Variants in RALGAPA2 observed in about 807,000 individuals in gnomAD.
RALGAPA2 encodes the protein Ral GTPase activating protein catalytic subunit alpha 2, also known as ral GTPase-activating protein subunit alpha-2.
RALGAPA2 carries 139 observed loss-of-function variants against 230.4 expected under a neutral mutation model. The observed-to-expected ratio is 0.60, with a 90% CI of 0.53 to 0.69. The LOEUF is 0.69. RALGAPA2 is among the 30% of genes least tolerant of loss of function. RALGAPA2 has a pLI of 0.00. For synonymous variants in RALGAPA2, 847 were observed against 837.8 expected, an observed-to-expected ratio of 1.01 and a Z score of -0.19; for missense variants, 2,163 against 2,276.0, an observed-to-expected ratio of 0.95 and a Z score of 1.01.
At position 20,591,259 on chromosome 20, in the gene RALGAPA2, G is replaced by A. The variant is rs1164701076; in HGVS notation, c.2259C>T (p.Leu753=). The part of the protein sequence containing the change: ...ENAPAAGSGH[L]TVGQQQQVLR... ...GGACCTGCTGCTGCTGTCCCACTGT[G>A]AGATGGCCAGATCCGGCTGCAGGTG... Residue 753 remains leucine, a synonymous_variant, in exon 17 of 40, where the codon CTC becomes CTT. Transcript: ENST00000202677. 2 of 1,613,922 alleles carry A rather than the reference G, an allele frequency of 1.2e-6. No homozygotes were observed. Among genetic ancestry groups the A allele is most frequent in the South Asian group, 2.2e-5 (2 of 91,086 alleles).
At chr20:20,396,332 G>C (rs1056156104) in intron 39 of RALGAPA2, among the ~76,000 whole-genome samples, 1 of 152,270 alleles carries the variant, frequency 6.6e-6, no homozygotes, top group Non-Finnish European at 1.5e-5. Flanking sequence ...TGTCTTATCG[G>C]CCCATCTCAA....
rs1387351020 is a variant in RALGAPA2 at position 20,629,355 on chromosome 20, ACACT to A, written c.1233+4_1233+7del. ...CACACACACACACACACACACACAC[ACACT>A]AACCTGGTGAAATACTTCATTCACG... is the stretch of plus-strand genomic sequence containing the variant. On this transcript the variant is annotated splice_donor_5th_base_variant and intron_variant, in intron 10 of 39. Transcript: ENST00000202677. The A allele has an allele frequency of 1.3e-6, 2 of 1,519,090 alleles. No individual in the cohort carries two copies. Among genetic ancestry groups the A allele is most frequent in the Admixed American group, 1.9e-5 (1 of 51,616 alleles). The allele number at this position is 1,519,090 out of a possible 1,614,324, so 94.1% of individuals were successfully genotyped here.
In RALGAPA2 at chr20:20,400,867, C is replaced by T. The variant is rs138583383; in HGVS notation, c.5618-4133G>A. Reference sequence around the variant, plus strand: ...TTGGCAATAAAAAGAAATGGAATACCGATATGGGCTACACATGGAGGCACC... The same window carrying T: ...TTGGCAATAAAAAGAAATGGAATACTGATATGGGCTACACATGGAGGCACC... On this transcript the variant is annotated intron_variant, in intron 38 of 39. Transcript: ENST00000202677. Among the ~76,000 whole-genome samples the T allele has an allele frequency of 1.9e-3, 291 of 152,258 alleles. 1 individual carries two copies. The highest frequency in any genetic ancestry group is 6.4e-3 in the African/African-American group (266 of 41,550).
intron 18 of RALGAPA2, among the ~76,000 whole-genome samples, chr20:20,588,506 T>C (rs1335724668): frequency 6.6e-6 from 1 of 152,160 alleles, no homozygotes; most frequent in Non-Finnish European, 1.5e-5. Context: ...TGAGGGGAGA[T>C]AGCAGAGAGA....
chr20:20,620,319 C>A, intron 11 of RALGAPA2, 144 bp downstream of exon 11: 1 of 825,228 alleles, frequency 1.2e-6, no homozygotes, highest in Non-Finnish European at 1.8e-6. Flanking sequence ...TAGATCCTCA[C>A]AGAACTCAGC....
rs375502055 is a variant in RALGAPA2 at position 20,439,514 on chromosome 20, CT to C, written c.5496-27367del. 2.4e-4 allele frequency among the ~76,000 whole-genome samples: 37 copies of C among 152,252 alleles called. 1 individual carries two copies. Among genetic ancestry groups the C allele is most frequent in the Non-Finnish European group, 4.1e-4 (28 of 68,008 alleles). On this transcript the variant is annotated intron_variant, in intron 37 of 39. Transcript: ENST00000202677. ...AGGTGTGAGCGACCACACCCAGCCC[CT>C]GGTCACTTTTTACAGTTAGGTATCA...
At chr20:20,494,314 C>T (rs2062143301) in intron 36 of RALGAPA2, among the ~76,000 whole-genome samples, 1 of 152,206 alleles carries the variant, frequency 6.6e-6, no homozygotes, top group Non-Finnish European at 1.5e-5. Context: ...ATTATACATA[C>T]TATCAAGCTG....
At chr20:20,653,212 AAAAAAAAAAAAAAT>A (rs1320931618) in intron 4 of RALGAPA2, among the ~76,000 whole-genome samples, 2 of 150,054 alleles carry the variant, frequency 1.3e-5, no homozygotes, top group African/African-American at 4.9e-5. Flanking sequence ...AAAAAAAAAA[AAAAAAAAAAAAAAT>A]ACACACTACT....
chr20:20,546,062 G>T (rs2063766711), intron 24 of RALGAPA2, among the ~76,000 whole-genome samples: 1 of 152,064 alleles, frequency 6.6e-6, no homozygotes, highest in Non-Finnish European at 1.5e-5. Flanking sequence ...GAATGAATGG[G>T]ACCCTATCTC....
intron 2 of RALGAPA2, among the ~76,000 whole-genome samples, chr20:20,676,715 A>G (rs1457599588): frequency 1.3e-5 from 2 of 152,326 alleles, no homozygotes; most frequent in African/African-American, 4.8e-5. Flanking sequence ...TCCTATTGAT[A>G]ATAACAACAG....
intron 37 of RALGAPA2, among the ~76,000 whole-genome samples, chr20:20,458,958 A>T (rs922653346): frequency 1.3e-5 from 2 of 151,124 alleles, no homozygotes; most frequent in African/African-American, 2.4e-5. Context: ...TTCCTTCCAA[A>T]TGTCAACAGG....
At chr20:20,674,074 T>C (rs2146777123) in intron 3 of RALGAPA2, among the ~76,000 whole-genome samples, 1 of 152,110 alleles carries the variant, frequency 6.6e-6, no homozygotes, top group African/African-American at 2.4e-5. Context: ...TGCACACGTG[T>C]AGTCCCACCT....
Position 20,653,603 on chromosome 20 carries a change from A to G in RALGAPA2, c.271-16T>C, listed in dbSNP as rs1042748391. Reference sequence around the variant, plus strand: ...GCAGTATTTTCTATTAAAAAAAGATATAAAGAAAATAAACAACAAATGAAA... The same window carrying G: ...GCAGTATTTTCTATTAAAAAAAGATGTAAAGAAAATAAACAACAAATGAAA... On this transcript the variant is annotated splice_polypyrimidine_tract_variant and intron_variant, in intron 3 of 39. Coordinates refer to ENST00000202677, the MANE Select transcript of RALGAPA2 (RefSeq NM_020343.4). 2.6e-5 allele frequency: 35 copies of G among 1,350,232 alleles called. No individual in the cohort carries two copies. Among genetic ancestry groups the G allele is most frequent in the South Asian group, 3.9e-5 (3 of 76,110 alleles). 83.6% of individuals were successfully genotyped at this position (1,350,232 alleles called of 1,614,324 possible).
intron 37 of RALGAPA2, among the ~76,000 whole-genome samples, chr20:20,432,426 T>C (rs2060520829): frequency 6.6e-6 from 1 of 152,152 alleles, no homozygotes; most frequent in Admixed American, 6.5e-5. Flanking sequence ...TTTTCAAAGG[T>C]GAGCGCCGTA....
chr20:20,534,449 A>G (rs2063448553), intron 26 of RALGAPA2, among the ~76,000 whole-genome samples: 1 of 152,062 alleles, frequency 6.6e-6, no homozygotes, highest in Non-Finnish European at 1.5e-5. Flanking sequence ...CATCTCAAAA[A>G]AAAAAAAAGA....
intron 24 of RALGAPA2, among the ~76,000 whole-genome samples, chr20:20,545,875 G>A (rs892219912): frequency 6.6e-6 from 1 of 152,094 alleles, no homozygotes; most frequent in Non-Finnish European, 1.5e-5. Flanking sequence ...GACCAATCTG[G>A]GCAACATGGA....
intron 24 of RALGAPA2, among the ~76,000 whole-genome samples, chr20:20,541,630 T>A (rs2063644641): frequency 6.6e-6 from 1 of 152,232 alleles, no homozygotes; most frequent in Non-Finnish European, 1.5e-5. Flanking sequence ...TTCATCATGC[T>A]ACTCAGAATG....
intron 18 of RALGAPA2, among the ~76,000 whole-genome samples, chr20:20,586,723 G>C (rs1402156063): frequency 3.9e-5 from 6 of 152,074 alleles, no homozygotes; most frequent in African/African-American, 1.4e-4. Context: ...AAATTCAATG[G>C]AAATATTAAC....
intron 37 of RALGAPA2, among the ~76,000 whole-genome samples, chr20:20,467,875 C>T (rs2061454486): frequency 6.6e-6 from 1 of 152,018 alleles, no homozygotes; most frequent in Non-Finnish European, 1.5e-5. Context: ...AATAAAAATC[C>T]CCTTATTAAA....
Sources: gnomAD v4.1 joint callset for allele counts (sites outside exome capture counted in the v4.1 genomes callset) on GRCh38, gnomAD v4.1.1 for gene constraint, MANE v1.5 for transcripts, NCBI Gene and HGNC (gene_info 2026-07-23, HGNC 2026-07-21) for gene names.